Variants in MYOF observed in about 807,000 individuals in gnomAD.
The protein encoded by MYOF is fer-1-like 3, myoferlin.
A neutral mutation model predicts 284.2 loss-of-function variants in MYOF; 244 were observed. That is an observed-to-expected ratio of 0.86 (90% CI 0.77 to 0.95). The LOEUF (loss-of-function observed/expected upper bound fraction) is 0.95, where lower values mean the gene tolerates loss of function less well. MYOF is among the 40% of genes least tolerant of loss of function. The pLI is 0.00. For missense variants in MYOF, 2,496 were observed against 2,560.6 expected, an observed-to-expected ratio of 0.97 and a Z score of 0.54; for synonymous variants, 904 against 919.7, an observed-to-expected ratio of 0.98 and a Z score of 0.31.
chr10:93,325,968 G>T lies in MYOF; in HGVS notation c.5132-3C>A. 1 of 1,613,984 alleles carries T rather than the reference G, an allele frequency of 6.2e-7. No homozygotes were observed. The highest frequency in any genetic ancestry group is 1.7e-4 in the Middle Eastern group (1 of 6,054). On this transcript the variant is annotated splice_polypyrimidine_tract_variant and splice_region_variant and intron_variant, in intron 45 of 53. Transcript: ENST00000359263. ...CTGGTGCAGGATTTTGTTGGCTTCT[G>T]CAATGGAAAGCAGCATTGAAGCAGG...
chr10:93,349,716 G>A, intron 36 of MYOF, 92 bp downstream of exon 36: 2 of 1,434,700 alleles, frequency 1.4e-6, no homozygotes, highest in Non-Finnish European at 9.4e-7. Context: ...GTCAGGTTTT[G>A]GAAATAAACT....
chr10:93,373,328 G>A (rs11187403), intron 23 of MYOF, among the ~76,000 whole-genome samples: 11,091 of 152,152 alleles, frequency 0.073, 540 homozygotes, highest in African/African-American at 0.14. Context: ...GCTTCACCTA[G>A]CAAAAGTCCC....
intron 5 of MYOF, among the ~76,000 whole-genome samples, chr10:93,419,186 G>A (rs1589538025): frequency 6.6e-6 from 1 of 151,638 alleles, no homozygotes; most frequent in South Asian, 2.1e-4. Context: ...TTTTTGAGAC[G>A]GAGTATTGTT....
At chr10:93,337,341 C>T (rs1262606439) in intron 40 of MYOF, among the ~76,000 whole-genome samples, 4 of 152,022 alleles carry the variant, frequency 2.6e-5, no homozygotes, top group East Asian at 1.9e-4. Flanking sequence ...CTAGCTCAGT[C>T]GCTTGTCTTC....
chr10:93,409,048 A>AGGTG, intron 6 of MYOF, 133 bp from the exon 7 acceptor site: 1 of 1,365,862 alleles, frequency 7.3e-7, no homozygotes, highest in Middle Eastern at 2.7e-4. Flanking sequence ...GTGCTATACC[A>AGGTG]GGTGCTACCA....
rs1234562022 is a variant in MYOF at position 93,392,960 on chromosome 10, A to G, written c.1418-5T>C. ...CAGTTCCCGAAGATGAGAAATCTATATAGTAAAAATATGACTGGTTAAACA... is the reference window on the plus strand; with the variant it reads ...CAGTTCCCGAAGATGAGAAATCTATGTAGTAAAAATATGACTGGTTAAACA... On this transcript the variant is annotated splice_region_variant and splice_polypyrimidine_tract_variant and intron_variant, in intron 16 of 53. Coordinates refer to ENST00000359263, the MANE Select transcript of MYOF (RefSeq NM_013451.4). 1.2e-6 allele frequency: 2 copies of G among 1,609,316 alleles called. No individual in the cohort carries two copies. The highest frequency in any genetic ancestry group is 8.5e-7 in the Non-Finnish European group (1 of 1,175,916).
chr10:93,340,222 T>TA, intron 38 of MYOF, 58 bp from the exon 39 acceptor site: 1 of 1,585,984 alleles, frequency 6.3e-7, no homozygotes, highest in East Asian at 2.2e-5. Flanking sequence ...GTCACATAGA[T>TA]ATGGAGACCC....
intron 5 of MYOF, among the ~76,000 whole-genome samples, chr10:93,418,520 A>G (rs367744487): frequency 2.0e-5 from 3 of 152,218 alleles, no homozygotes; most frequent in Admixed American, 6.5e-5. Flanking sequence ...GGAACCTAAG[A>G]AGCAGGGATG....
At chr10:93,317,551 C>T (rs1017271558) in intron 49 of MYOF, among the ~76,000 whole-genome samples, 47 of 152,174 alleles carry the variant, frequency 3.1e-4, no homozygotes, top group African/African-American at 1.1e-3. Flanking sequence ...GCACGAGAAT[C>T]ACTCAAACCT....
At chr10:93,480,907 G>A (rs1322884217) in intron 1 of MYOF, among the ~76,000 whole-genome samples, 2 of 152,184 alleles carry the variant, frequency 1.3e-5, no homozygotes, top group African/African-American at 4.8e-5. Context: ...CTGACAGGGA[G>A]TAGCAGTCAG....
intron 21 of MYOF, 71 bp from the exon 22 acceptor site, chr10:93,377,500 T>A: frequency 9.3e-7 from 1 of 1,077,194 alleles, no homozygotes. Flanking sequence ...TCATATAGTT[T>A]AACCTGTGAA....
At chr10:93,340,367 G>A in intron 38 of MYOF, 2 of 548,652 alleles carry the variant, frequency 3.6e-6, no homozygotes, top group East Asian at 2.9e-5. Context: ...CCACCTTACT[G>A]GTTTCTTTTC....
intron 6 of MYOF, 44 bp downstream of exon 6, chr10:93,409,529 A>T (rs1300780971): frequency 8.1e-6 from 13 of 1,596,680 alleles, no homozygotes; most frequent in Non-Finnish European, 1.0e-5. Context: ...AAGATGGGCA[A>T]TATAAAGATT....
At chr10:93,316,953 T>A in intron 49 of MYOF, 140 bp from the exon 50 acceptor site, 1 of 654,192 alleles carries the variant, frequency 1.5e-6, no homozygotes, top group South Asian at 1.9e-5. Flanking sequence ...TTCCACTCTA[T>A]CTGTACAGAG....
intron 18 of MYOF, 44 bp from the exon 19 acceptor site, chr10:93,387,957 C>A (rs1463234539): frequency 2.7e-6 from 4 of 1,474,372 alleles, no homozygotes; most frequent in Admixed American, 3.4e-5. Context: ...GCAGCAACAG[C>A]AAAAAGAATT....
At position 93,310,526 on chromosome 10, in the gene MYOF, CCT is replaced by C. The variant is rs147504979; in HGVS notation, c.5999+6_5999+7del. ...TTGGGGAGTGGGAGAACAAAGAAGG[CCT>C]CTCACTTTGGTAAGTCCAGCTTGGG... On this transcript the variant is annotated splice_donor_region_variant and intron_variant, in intron 52 of 53. Coordinates refer to ENST00000359263, the MANE Select transcript of MYOF (RefSeq NM_013451.4). The C allele has an allele frequency of 6.7e-3, 10,776 of 1,613,412 alleles. 616 individuals carry two copies. In the African/African-American group the frequency reaches 0.12, roughly 19 times the overall value.
intron 21 of MYOF, among the ~76,000 whole-genome samples, chr10:93,378,713 A>ATATATATATATATATATATATATG (rs1338159505): frequency 5.3e-4 from 66 of 124,840 alleles, no homozygotes; most frequent in Non-Finnish European, 8.0e-4. Flanking sequence ...ATATATATAT[A>ATATATATATATATATATATATATG]TATGTATATA....
chr10:93,358,821 A>C (rs1290039176), intron 29 of MYOF, among the ~76,000 whole-genome samples: 2 of 152,188 alleles, frequency 1.3e-5, no homozygotes, highest in Non-Finnish European at 2.9e-5. Flanking sequence ...CATCAGGATA[A>C]ATAGCTAATG....
intron 28 of MYOF, 122 bp from the exon 29 acceptor site, chr10:93,360,100 A>G (rs2133923279): frequency 4.2e-6 from 5 of 1,189,838 alleles, no homozygotes; most frequent in Non-Finnish European, 6.0e-6. Flanking sequence ...TCATGACCGA[A>G]TATGTGGCTG....
Sources: gnomAD v4.1 joint callset for allele counts (sites outside exome capture counted in the v4.1 genomes callset) on GRCh38, gnomAD v4.1.1 for gene constraint, MANE v1.5 for transcripts, NCBI Gene and HGNC (gene_info 2026-07-23, HGNC 2026-07-21) for gene names.